Variants in EFCAB6 observed in about 807,000 individuals in gnomAD.
EFCAB6 encodes EF-hand calcium-binding domain-containing protein 6.
Under a neutral mutation model 169.8 loss-of-function variants are expected in EFCAB6, and 156 were observed. That is an observed-to-expected ratio of 0.92 (90% CI 0.81 to 1.05). The LOEUF is 1.05. Ranked by LOEUF, EFCAB6 falls within the 50% of genes least tolerant of loss-of-function variation. The pLI is 0.00. For synonymous variants in EFCAB6, 698 were observed against 676.4 expected (o/e 1.03, Z -0.50); for missense variants, 1,800 against 1,829.1 (o/e 0.98, Z 0.29).
At chr22:43,799,935 C>A (rs1016821283) in intron 2 of EFCAB6, among the ~76,000 whole-genome samples, 2 of 152,174 alleles carry the variant, frequency 1.3e-5, no homozygotes, top group African/African-American at 4.8e-5. Context: ...AGGTGGACAA[C>A]CAGCTTCTCC....
intron 25 of EFCAB6, among the ~76,000 whole-genome samples, chr22:43,580,026 C>T (rs2050614243): frequency 6.6e-6 from 1 of 152,144 alleles, no homozygotes; most frequent in Admixed American, 6.5e-5. Context: ...AGAATGTCAA[C>T]CTACTCAGGT....
chr22:43,574,542 C>A (rs1164484389), intron 26 of EFCAB6, among the ~76,000 whole-genome samples: 2 of 152,066 alleles, frequency 1.3e-5, no homozygotes, highest in Non-Finnish European at 2.9e-5. Context: ...TTCTTGTCAT[C>A]ATCCCCATCA....
chr22:43,653,160 A>G (rs938620900), intron 17 of EFCAB6, among the ~76,000 whole-genome samples: 13 of 152,162 alleles, frequency 8.5e-5, no homozygotes, highest in African/African-American at 2.7e-4. Context: ...ACAGGAGAGG[A>G]GGCAGTGGCT....
At chr22:43,685,696 G>A (rs1348699117) in intron 11 of EFCAB6, among the ~76,000 whole-genome samples, 5 of 152,124 alleles carry the variant, frequency 3.3e-5, no homozygotes, top group African/African-American at 7.2e-5. Context: ...TATCTGTCAC[G>A]GTATTCTGAA....
chr22:43,567,811 G>C (rs1361766843), intron 26 of EFCAB6, among the ~76,000 whole-genome samples: 1 of 152,152 alleles, frequency 6.6e-6, no homozygotes, highest in Non-Finnish European at 1.5e-5. Flanking sequence ...ACCATGCGAG[G>C]CAGCCACAGC....
chr22:43,664,413 A>G (rs147700525), intron 17 of EFCAB6, among the ~76,000 whole-genome samples: 3 of 152,364 alleles, frequency 2.0e-5, no homozygotes, highest in Non-Finnish European at 4.4e-5. Context: ...CATATTTTAT[A>G]ATAGGGGAGG....
At chr22:43,700,601 C>T (rs1207412292) in intron 10 of EFCAB6, among the ~76,000 whole-genome samples, 2 of 152,174 alleles carry the variant, frequency 1.3e-5, no homozygotes, top group Admixed American at 6.6e-5. Context: ...ACGGTCCCCT[C>T]GTGCTGCACC....
intron 21 of EFCAB6, 43 bp from the exon 22 acceptor site, chr22:43,608,643 C>A (rs984242940): frequency 3.2e-6 from 5 of 1,570,086 alleles, no homozygotes; most frequent in Non-Finnish European, 4.4e-6. Flanking sequence ...GTGAAATGTG[C>A]GTATGACAGC....
Position 43,537,470 on chromosome 22 carries a change from T to G in EFCAB6, c.3955A>C (p.Lys1319Gln). 1 of 1,613,998 alleles carries G rather than the reference T, an allele frequency of 6.2e-7. No individual in the cohort carries two copies. The highest frequency in any genetic ancestry group is 8.5e-7 in the Non-Finnish European group (1 of 1,180,010). Residue 1319 changes from lysine to glutamine, a missense_variant, in exon 29 of 32, where the codon AAG becomes CAG. By Grantham distance (53) the Lys-to-Gln change is moderately conservative. Coordinates refer to ENST00000262726, the MANE Select transcript of EFCAB6 (RefSeq NM_022785.4). The surrounding 1 kb of genome is among the most constrained non-coding windows in gnomAD (Gnocchi z 4.3). ...TGGCGCCAGCAGCCCTGGATTCTCT[T>G]CCGGAGCCTGCTCTCTATGGGATCA... ...NCDPIESRLR[K>Q]RIQGCWRQLL...
At chr22:43,674,206 T>C (rs1335778367) in intron 13 of EFCAB6, among the ~76,000 whole-genome samples, 1 of 152,250 alleles carries the variant, frequency 6.6e-6, no homozygotes, top group East Asian at 1.9e-4. Context: ...GTGTTAGAAT[T>C]AGTGGTGACT....
At chr22:43,709,937 G>A (rs1462350417) in intron 10 of EFCAB6, among the ~76,000 whole-genome samples, 1 of 152,136 alleles carries the variant, frequency 6.6e-6, no homozygotes, top group African/African-American at 2.4e-5. Context: ...AGGAAAGTGG[G>A]GTGCTGTGGG....
chr22:43,661,396 A>G (rs1219567330), intron 17 of EFCAB6, among the ~76,000 whole-genome samples: 1 of 152,128 alleles, frequency 6.6e-6, no homozygotes, highest in African/African-American at 2.4e-5. Context: ...AAATAAATAA[A>G]ATGCAAAAGT....
At chr22:43,612,092 G>C (rs1253427705) in intron 21 of EFCAB6, among the ~76,000 whole-genome samples, 2 of 152,190 alleles carry the variant, frequency 1.3e-5, no homozygotes, top group Non-Finnish European at 2.9e-5. Context: ...ATGGTGCTGG[G>C]ATAACTGGCT....
chr22:43,763,331 G>A (rs2061228276), intron 5 of EFCAB6, among the ~76,000 whole-genome samples: 1 of 152,054 alleles, frequency 6.6e-6, no homozygotes, highest in Non-Finnish European at 1.5e-5. Context: ...GAGCCACCAT[G>A]CCCGGCCATC....
chr22:43,531,614 A>G (rs1602076936), intron 30 of EFCAB6, among the ~76,000 whole-genome samples: 1 of 152,244 alleles, frequency 6.6e-6, no homozygotes, highest in Non-Finnish European at 1.5e-5. Context: ...ACATCTTGGG[A>G]AAGTTGAATT....
intron 8 of EFCAB6, among the ~76,000 whole-genome samples, chr22:43,723,878 C>T (rs1341225449): frequency 6.6e-6 from 1 of 152,184 alleles, no homozygotes; most frequent in Non-Finnish European, 1.5e-5. Flanking sequence ...GGGCAGCAAG[C>T]CCATCGAGCA....
At chr22:43,570,054 A>G (rs1602324815) in intron 26 of EFCAB6, 2 of 152,362 alleles carry the variant, frequency 1.3e-5, no homozygotes, top group Non-Finnish European at 2.9e-5. Flanking sequence ...TATGATGTTC[A>G]TAAAAGATTA....
intron 22 of EFCAB6, among the ~76,000 whole-genome samples, chr22:43,603,003 A>T (rs1425913404): frequency 6.6e-6 from 1 of 151,784 alleles, no homozygotes; most frequent in East Asian, 1.9e-4. Context: ...TTACAAATTC[A>T]CAGCATTCAG....
intron 17 of EFCAB6, among the ~76,000 whole-genome samples, chr22:43,647,552 C>A (rs2056238912): frequency 6.6e-6 from 1 of 152,102 alleles, no homozygotes; most frequent in South Asian, 2.1e-4. Flanking sequence ...ATTGTGTACC[C>A]CAAAAGGTAT....
Sources: allele counts gnomAD v4.1 joint callset (sites outside exome capture counted in the v4.1 genomes callset), GRCh38; gene constraint gnomAD v4.1.1; non-coding constraint Gnocchi (gnomAD v3.1); transcripts MANE v1.5; gene names NCBI Gene and HGNC (gene_info 2026-07-23, HGNC 2026-07-21).